ATXN10: variants seen among roughly 807,000 people sequenced by gnomAD.
ATXN10 encodes ataxin 10.
In ATXN10, 28 loss-of-function variants were observed where a neutral mutation model predicts 52.9. The ratio of observed to expected loss-of-function variants is 0.53; its 90% confidence interval spans 0.39 to 0.73. The LOEUF is 0.73. Among genes scored for constraint, ATXN10 ranks in the 30% least tolerant of loss-of-function variants. ATXN10 has a pLI of 0.00. For synonymous variants in ATXN10, 226 were observed against 221.5 expected, an observed-to-expected ratio of 1.02 and a Z score of -0.18; for missense variants, 565 against 577.0, an observed-to-expected ratio of 0.98 and a Z score of 0.21.
intron 9 of ATXN10, among the ~76,000 whole-genome samples, chr22:45,752,040 T>C (rs1017660636): frequency 6.6e-6 from 1 of 152,054 alleles, no homozygotes; most frequent in Admixed American, 6.6e-5. Flanking sequence ...AGAACAAAAA[T>C]GATACTTAGT....
At position 45,842,952 on chromosome 22, in the gene ATXN10, A is replaced by G. The variant is rs1381189989; in HGVS notation, c.1238-39A>G. On this transcript the variant is annotated intron_variant, in intron 10 of 11. Coordinates refer to ENST00000252934, the MANE Select transcript of ATXN10 (RefSeq NM_013236.4). This position sits in a 1 kb window ranked among gnomAD's most constrained non-coding sequence, Gnocchi z 4.8. ...TAATTCTTATGTGAAGTTATCAAAC[A>G]GGAAAGTACGTTGTCACATTCCTTC... 1.3e-6 allele frequency: 2 copies of G among 1,599,644 alleles called. No homozygotes were observed. Among genetic ancestry groups the G allele is most frequent in the South Asian group, 1.1e-5 (1 of 90,728 alleles).
At chr22:45,717,720 T>A (rs1487354277) in intron 5 of ATXN10, among the ~76,000 whole-genome samples, 2 of 152,340 alleles carry the variant, frequency 1.3e-5, no homozygotes, top group Admixed American at 1.3e-4. Flanking sequence ...ATTTAATGCT[T>A]GCAGTCAATT....
rs1035571902 is a variant in ATXN10 at position 45,766,422 on chromosome 22, C to T, written c.1173+25884C>T. ...CATCCTGAAGTCTTCCCCGCAACCC[C>T]TCTTCCCCCGAGTCTGTGGAAAAAT... On this transcript the variant is annotated intron_variant, in intron 9 of 11. Transcript: ENST00000252934. The surrounding 1 kb of genome is among the most constrained non-coding windows in gnomAD (Gnocchi z 4.6). Among the ~76,000 whole-genome samples, 1 of 152,204 alleles carries T rather than the reference C, an allele frequency of 6.6e-6. No homozygotes were observed. Among genetic ancestry groups the T allele is most frequent in the East Asian group, 1.9e-4 (1 of 5,196 alleles).
chr22:45,822,408 G>T (rs576375471), intron 10 of ATXN10, among the ~76,000 whole-genome samples: 1 of 151,858 alleles, frequency 6.6e-6, no homozygotes, highest in South Asian at 2.1e-4. Flanking sequence ...TCCATCAGCA[G>T]TATATGAAAG....
In ATXN10 at chr22:45,826,560, C is replaced by G. The variant is rs1003480166; in HGVS notation, c.1238-16431C>G. On this transcript the variant is annotated intron_variant, in intron 10 of 11. Coordinates refer to ENST00000252934, the MANE Select transcript of ATXN10 (RefSeq NM_013236.4). The surrounding 1 kb of genome is among the most constrained non-coding windows in gnomAD (Gnocchi z 5.0). ...CAAGGAAGAAGCAGCCCATCACATG[C>G]AAGAGATAATCCATAGGATTACCAG... 1.3e-5 allele frequency among the ~76,000 whole-genome samples: 2 copies of G among 152,172 alleles called. No homozygotes were observed. The highest frequency in any genetic ancestry group is 2.9e-5 in the Non-Finnish European group (2 of 68,030).
In ATXN10 at chr22:45,713,227, T is replaced by C. The variant is rs550127257; in HGVS notation, c.648-5186T>C. ...CTACCTTCTATTTTGTATATCAGTATTGTAATGCAGATGCTGATTCATCTG... is the reference window on the plus strand; with the variant it reads ...CTACCTTCTATTTTGTATATCAGTACTGTAATGCAGATGCTGATTCATCTG... On this transcript the variant is annotated intron_variant, in intron 5 of 11. Coordinates refer to ENST00000252934, the MANE Select transcript of ATXN10 (RefSeq NM_013236.4). Among the ~76,000 whole-genome samples the C allele has an allele frequency of 7.9e-5, 12 of 152,318 alleles. No homozygotes were observed. The South Asian group carries it at 2.5e-3, about 32-fold the overall frequency.
chr22:45,746,898 C>T (rs1300777806), intron 9 of ATXN10, among the ~76,000 whole-genome samples: 1 of 152,242 alleles, frequency 6.6e-6, no homozygotes, highest in South Asian at 2.1e-4. Flanking sequence ...TTTGGTTTTA[C>T]TTAATAAGTG....
chr22:45,793,434 AC>A (rs1927588578), intron 9 of ATXN10: 1 of 517,180 alleles, frequency 1.9e-6, no homozygotes, highest in Admixed American at 4.7e-5. Context: ...AATAAGGGTA[AC>A]AATGGTAGCA....
At chr22:45,731,313 A>G (rs557438527) in intron 7 of ATXN10, among the ~76,000 whole-genome samples, 1 of 152,340 alleles carries the variant, frequency 6.6e-6, no homozygotes, top group South Asian at 2.1e-4. Context: ...AAAATAGATC[A>G]GATGTCACCT....
Position 45,718,104 on chromosome 22 carries a change from G to A in ATXN10, c.648-309G>A, listed in dbSNP as rs1924513245. On this transcript the variant is annotated intron_variant, in intron 5 of 11. Transcript: ENST00000252934. The surrounding 1 kb of genome is among the most constrained non-coding windows in gnomAD (Gnocchi z 4.4). ...TTTATACCTGATCTTGTTGCTAAATGAAGAATTTTTCTTTCTCAACTTAGA... is the reference window on the plus strand; with the variant it reads ...TTTATACCTGATCTTGTTGCTAAATAAAGAATTTTTCTTTCTCAACTTAGA... Among the ~76,000 whole-genome samples, 1 of 152,156 alleles carries A rather than the reference G, an allele frequency of 6.6e-6. No homozygotes were observed.
At chr22:45,746,481 C>T (rs900289419) in intron 9 of ATXN10, among the ~76,000 whole-genome samples, 8 of 151,998 alleles carry the variant, frequency 5.3e-5, no homozygotes, top group African/African-American at 1.9e-4. Context: ...GCTGACTTGT[C>T]AGTTACTCGG....
chr22:45,691,353 C>T (rs978584193), intron 2 of ATXN10, among the ~76,000 whole-genome samples: 5 of 152,306 alleles, frequency 3.3e-5, no homozygotes, highest in African/African-American at 9.6e-5. Context: ...ATTCGTTGAG[C>T]CTGCCTTCGG....
In ATXN10 at chr22:45,732,693, A is replaced by AT. The variant is rs1925136173; in HGVS notation, c.894+3106dup. 6.6e-6 allele frequency among the ~76,000 whole-genome samples: 1 copy of AT among 152,054 alleles called. No individual in the cohort carries two copies. Among genetic ancestry groups the AT allele is most frequent in the African/African-American group, 2.4e-5 (1 of 41,398 alleles). On this transcript the variant is annotated intron_variant, in intron 7 of 11. Transcript: ENST00000252934. The surrounding 1 kb of genome is among the most constrained non-coding windows in gnomAD (Gnocchi z 4.5). ...AGAGTTGATTATTAAGTGCTTAGAAATTTGTGAGCTGATTGTTAAATTGTT... is the reference window on the plus strand; with the variant it reads ...AGAGTTGATTATTAAGTGCTTAGAAATTTTGTGAGCTGATTGTTAAATTGTT...
rs1929302981 is a variant in ATXN10 at position 45,840,266 on chromosome 22, C to G, written c.1238-2725C>G. Among the ~76,000 whole-genome samples the G allele has an allele frequency of 6.6e-6, 1 of 152,088 alleles. No individual in the cohort carries two copies. The highest frequency in any genetic ancestry group is 1.5e-5 in the Non-Finnish European group (1 of 68,028). On this transcript the variant is annotated intron_variant, in intron 10 of 11. Coordinates refer to ENST00000252934, the MANE Select transcript of ATXN10 (RefSeq NM_013236.4). The surrounding 1 kb of genome is among the most constrained non-coding windows in gnomAD (Gnocchi z 5.8). Reference sequence around the variant, plus strand: ...ATATCGAAGTCAATTAGATGGGGCTCCTGCCCTCGAGGAACTCACAGACTC... The same window carrying G: ...ATATCGAAGTCAATTAGATGGGGCTGCTGCCCTCGAGGAACTCACAGACTC...
intron 9 of ATXN10, among the ~76,000 whole-genome samples, chr22:45,800,624 T>C (rs1206566094): frequency 6.6e-6 from 1 of 152,232 alleles, no homozygotes; most frequent in African/African-American, 2.4e-5. Flanking sequence ...CATGCACCCA[T>C]GAAAAGATAC....
At chr22:45,760,228 A>T (rs1926334876) in intron 9 of ATXN10, among the ~76,000 whole-genome samples, 1 of 152,192 alleles carries the variant, frequency 6.6e-6, no homozygotes, top group African/African-American at 2.4e-5. Flanking sequence ...TATCTTCATC[A>T]TGTGCTTTTA....
intron 1 of ATXN10, 60 bp downstream of exon 1, chr22:45,672,239 C>T (rs1190263038): frequency 5.7e-6 from 8 of 1,408,412 alleles, no homozygotes; most frequent in African/African-American, 3.1e-5. Flanking sequence ...ACTCCCGCGG[C>T]GGCCCCGGCC....
rs1049022801 is a variant in ATXN10 at position 45,833,215 on chromosome 22, C to T, written c.1238-9776C>T. The stretch of plus-strand genomic sequence containing the variant: ...GGAAGCGCACGCATCTGGTATCTGT[C>T]CCTGTTCACCCTGCAAGCCCTCCCC... On this transcript the variant is annotated intron_variant, in intron 10 of 11. Transcript: ENST00000252934. This position sits in a 1 kb window ranked among gnomAD's most constrained non-coding sequence, Gnocchi z 4.3. Among the ~76,000 whole-genome samples the T allele has an allele frequency of 6.6e-6, 1 of 152,186 alleles. No homozygotes were observed. The highest frequency in any genetic ancestry group is 1.5e-5 in the Non-Finnish European group (1 of 68,030).
chr22:45,809,472 G>A (rs1011766804), intron 10 of ATXN10, among the ~76,000 whole-genome samples: 1 of 151,988 alleles, frequency 6.6e-6, no homozygotes, highest in Non-Finnish European at 1.5e-5. Context: ...TCTTCTAGTA[G>A]GTACTTTTGT....
Sources: gnomAD v4.1 joint callset for allele counts (sites outside exome capture counted in the v4.1 genomes callset) on GRCh38, gnomAD v4.1.1 for gene constraint, Gnocchi (gnomAD v3.1) non-coding constraint, MANE v1.5 for transcripts, NCBI Gene and HGNC (gene_info 2026-07-23, HGNC 2026-07-21) for gene names.